Variants in SLC25A46 observed in about 807,000 individuals in gnomAD.
The protein encoded by SLC25A46 is solute carrier family 25 member 46.
Under a neutral mutation model 44.6 loss-of-function variants are expected in SLC25A46, and 39 were observed. The ratio of observed to expected loss-of-function variants is 0.87; its 90% CI spans 0.68 to 1.14. The LOEUF (loss-of-function observed/expected upper bound fraction) is 1.14, where lower values mean the gene tolerates loss of function less well. Among genes scored for constraint, SLC25A46 ranks in the 50% most tolerant of loss-of-function variants. The pLI, the probability that SLC25A46 is intolerant of heterozygous loss-of-function variation, is 0.00. For synonymous variants in SLC25A46, 202 were observed against 185.8 expected (o/e 1.09, Z -0.71); for missense variants, 547 against 522.7 (o/e 1.05, Z -0.45).
At chr5:110,756,164 A>C (rs1800106100) in intron 6 of SLC25A46, 2 of 152,008 alleles carry the variant, frequency 1.3e-5, no homozygotes, top group African/African-American at 4.8e-5. Flanking sequence ...TATATTTTGC[A>C]GGCTTGCAAA....
intron 5 of SLC25A46, among the ~76,000 whole-genome samples, chr5:110,752,106 C>T (rs1456684038): frequency 1.3e-5 from 2 of 151,838 alleles, no homozygotes; most frequent in Admixed American, 6.6e-5. Context: ...TTTTTAATTG[C>T]GTAACATTTA....
rs1051773020 is a variant in SLC25A46, at chr5:110,759,278, T to A, written c.679-1926T>A. ...TAGGGAGGGGCGGTTAATATTTTTT[T>A]AAGAAGATAAGTAAAGGTCTCACTG... On this transcript the variant is annotated intron_variant, in intron 7 of 7. Coordinates refer to ENST00000355943, the MANE Select transcript of SLC25A46 (RefSeq NM_138773.4). Among the ~76,000 whole-genome samples, 4 of 152,262 alleles carry A rather than the reference T, an allele frequency of 2.6e-5. No homozygotes were observed. In the East Asian group the frequency reaches 5.8e-4, roughly 22 times the overall value.
chr5:110,760,382 C>CACA (rs1326874860), intron 7 of SLC25A46, among the ~76,000 whole-genome samples: 2 of 152,038 alleles, frequency 1.3e-5, no homozygotes, highest in Non-Finnish European at 2.9e-5. Flanking sequence ...TTCTCCTTTG[C>CACA]ACAACAGCCA....
In SLC25A46 at chr5:110,754,270, G is replaced by A. The variant is rs570398155; in HGVS notation, c.564-1195G>A. The A allele has an allele frequency of 4.1e-5, 6 of 148,142 alleles. No individual in the cohort carries two copies. The South Asian group carries it at 6.4e-4, about 16-fold the overall frequency. The allele number at this position is 148,142 out of a possible 1,614,324, so 9.2% of individuals were successfully genotyped here. On this transcript the variant is annotated intron_variant, in intron 5 of 7. Transcript: ENST00000355943. ...GAGTACCCATTCCATCAGAGAAACT[G>A]TTGGTAGCAAGTCTTATCTTTATTT...
chr5:110,754,017 A>G (rs1249282455), intron 5 of SLC25A46: 1 of 152,166 alleles, frequency 6.6e-6, no homozygotes, highest in Non-Finnish European at 1.5e-5. Flanking sequence ...TAATCATTGA[A>G]TAATATGATT....
rs1402744010 is a variant in SLC25A46, at chr5:110,764,951, C to T, written c.*3169C>T. On this transcript the variant is annotated 3_prime_UTR_variant, in exon 8 of 8. Coordinates refer to ENST00000355943, the MANE Select transcript of SLC25A46 (RefSeq NM_138773.4). ...TATAAACGGAATGCATAATGTCTTA[C>T]TCTTGAGTCATTTAGTATCATTGAT... The T allele has an allele frequency of 6.6e-6, 1 of 151,806 alleles. No homozygotes were observed. The highest frequency in any genetic ancestry group is 1.9e-4 in the East Asian group (1 of 5,164). 9.4% of individuals were successfully genotyped at this position (151,806 alleles called of 1,614,324 possible). A position where few individuals can be genotyped will look rare whatever the true frequency, so the allele number is the denominator to read the frequency against.
intron 1 of SLC25A46, among the ~76,000 whole-genome samples, chr5:110,741,006 G>C (rs532272259): frequency 1.2e-4 from 19 of 152,170 alleles, no homozygotes; most frequent in African/African-American, 4.3e-4. Context: ...GTGGGTAAAA[G>C]AAGCTTTCTA....
At chr5:110,754,909 A>T (rs1183829429) in intron 5 of SLC25A46, 3 of 152,304 alleles carry the variant, frequency 2.0e-5, no homozygotes, top group African/African-American at 7.2e-5. Flanking sequence ...TATGAAGATT[A>T]GAAATAGTTC....
At position 110,755,516 on chromosome 5, in the gene SLC25A46, GA is replaced by G. The variant is rs1371249361; in HGVS notation, c.618del (p.Lys206AsnfsTer3). On this transcript the variant is annotated frameshift_variant, in exon 6 of 8. Coordinates refer to ENST00000355943, the MANE Select transcript of SLC25A46 (RefSeq NM_138773.4). LOFTEE classifies it high-confidence loss of function. The part of the protein sequence containing the change: ...PKQIGEHLLL[K>X]SLTYVVAMPF... ...AACAAATAGGAGAACACCTTCTACT[GA>G]AATCGTAAGTATCAAAAAATGGCAT... The G allele has an allele frequency of 3.4e-5, 53 of 1,571,082 alleles. No individual in the cohort carries two copies. Among genetic ancestry groups the G allele is most frequent in the Non-Finnish European group, 4.4e-5 (51 of 1,158,788 alleles).
In SLC25A46 at chr5:110,761,134, A is replaced by G. The variant is rs1800237410; in HGVS notation, c.679-70A>G. 2.4e-6 allele frequency: 3 copies of G among 1,231,092 alleles called. No homozygotes were observed. The highest frequency in any genetic ancestry group is 3.4e-6 in the Non-Finnish European group (3 of 871,862). 76.3% of individuals were successfully genotyped at this position (1,231,092 alleles called of 1,614,324 possible). ...TATGTTAGGATTTAAAAGGAACCTAAAAAGAGTCCTTTTTCTGTGGCAAAA... is the reference window on the plus strand; with the variant it reads ...TATGTTAGGATTTAAAAGGAACCTAGAAAGAGTCCTTTTTCTGTGGCAAAA... On this transcript the variant is annotated intron_variant, in intron 7 of 7. Transcript: ENST00000355943. This position sits in a 1 kb window ranked among gnomAD's most constrained non-coding sequence, Gnocchi z 5.3.
intron 5 of SLC25A46, among the ~76,000 whole-genome samples, chr5:110,751,383 T>C (rs1284453032): frequency 6.6e-6 from 1 of 152,156 alleles, no homozygotes; most frequent in African/African-American, 2.4e-5. Context: ...TTAAGGTAGA[T>C]CAGAGTGGTA....
chr5:110,760,046 A>G (rs990498213), intron 7 of SLC25A46, among the ~76,000 whole-genome samples: 3 of 152,058 alleles, frequency 2.0e-5, no homozygotes, highest in African/African-American at 4.8e-5. Context: ...TGTAATTTCT[A>G]TTGTGAACTC....
Position 110,759,549 on chromosome 5 carries a change from A to G in SLC25A46, c.679-1655A>G, listed in dbSNP as rs116725605. Among the ~76,000 whole-genome samples the G allele has an allele frequency of 5.7e-3, 865 of 152,262 alleles. 7 individuals are homozygous for G. Among genetic ancestry groups the G allele is most frequent in the African/African-American group, 0.02 (811 of 41,568 alleles). On this transcript the variant is annotated intron_variant, in intron 7 of 7. Coordinates refer to ENST00000355943, the MANE Select transcript of SLC25A46 (RefSeq NM_138773.4). ...AGTGGGACTGTGTCATGTGTGTTGT[A>G]TCACACATGCTTAAGAAGTAGAAAG...
At chr5:110,740,919 T>C (rs1334451463) in intron 1 of SLC25A46, among the ~76,000 whole-genome samples, 1 of 152,140 alleles carries the variant, frequency 6.6e-6, no homozygotes, top group East Asian at 1.9e-4. Context: ...GTCACTGCAC[T>C]CCAGCCTGGG....
rs777165025 is a variant in SLC25A46, at chr5:110,756,755, T to A, written c.674T>A (p.Val225Glu). Reference sequence around the variant, plus strand: ...TATTCAGCAAGTCTGATTGAAACAGTGCAGGTGAGCTTTTTTTTACTGTCA... The same window carrying A: ...TATTCAGCAAGTCTGATTGAAACAGAGCAGGTGAGCTTTTTTTTACTGTCA... ...PFYSASLIETVQSEIIRDNTG... is the reference protein window; with the variant it reads ...PFYSASLIETEQSEIIRDNTG... The change falls in exon 7 of 8, where the codon GTG (valine) becomes GAG (glutamate). Residue 225 changes from valine to glutamate, a missense_variant. Coordinates refer to ENST00000355943, the MANE Select transcript of SLC25A46 (RefSeq NM_138773.4). 1 of 1,535,186 alleles carries A rather than the reference T, an allele frequency of 6.5e-7. No homozygotes were observed.
chr5:110,740,348 A>G (rs536042757), intron 1 of SLC25A46, among the ~76,000 whole-genome samples: 1 of 152,308 alleles, frequency 6.6e-6, no homozygotes, highest in African/African-American at 2.4e-5. Flanking sequence ...TAAGAAGAAC[A>G]GACTAACGAA....
At chr5:110,744,620 G>T (rs1247581285) in intron 3 of SLC25A46, among the ~76,000 whole-genome samples, 1 of 152,148 alleles carries the variant, frequency 6.6e-6, no homozygotes. Context: ...GATGCATATA[G>T]ATTTTCCAAA....
rs1392871629 is a variant in SLC25A46 at position 110,763,767 on chromosome 5, A to G, written c.*1985A>G. 1 of 151,876 alleles carries G rather than the reference A, an allele frequency of 6.6e-6. No homozygotes were observed. Among genetic ancestry groups the G allele is most frequent in the African/African-American group, 2.4e-5 (1 of 41,428 alleles). 9.4% of individuals were successfully genotyped at this position (151,876 alleles called of 1,614,324 possible). The stretch of plus-strand genomic sequence containing the variant: ...AATAATTATAAGACTGATAGGCTGA[A>G]CCATACACAAATAAGGTTGATCTTG... On this transcript the variant is annotated 3_prime_UTR_variant, in exon 8 of 8. Coordinates refer to ENST00000355943, the MANE Select transcript of SLC25A46 (RefSeq NM_138773.4).
In SLC25A46 at chr5:110,761,519, T is replaced by C. The variant is rs1223203803; in HGVS notation, c.994T>C (p.Tyr332His). The change falls in exon 8 of 8, where the codon TAC (tyrosine) becomes CAC (histidine). Residue 332 changes from tyrosine to histidine, a missense_variant. Transcript: ENST00000355943. This position sits in a 1 kb window ranked among gnomAD's most constrained non-coding sequence, Gnocchi z 5.3. ...CAGTCTTTGTTCTGACGTTATACTT[T>C]ACCCATTGGAAACAGTTTTGCACCG... Reference protein sequence around the residue: ...AASLCSDVILYPLETVLHRLH... With the variant: ...AASLCSDVILHPLETVLHRLH... The C allele has an allele frequency of 6.2e-7, 1 of 1,613,868 alleles. No individual in the cohort carries two copies. Among genetic ancestry groups the C allele is most frequent in the Admixed American group, 1.7e-5 (1 of 59,964 alleles).
Sources: allele counts gnomAD v4.1 joint callset (sites outside exome capture counted in the v4.1 genomes callset), GRCh38; gene constraint gnomAD v4.1.1; non-coding constraint Gnocchi (gnomAD v3.1); transcripts MANE v1.5; gene names NCBI Gene and HGNC (gene_info 2026-07-23, HGNC 2026-07-21).